ANO3: variants seen among roughly 807,000 people sequenced by gnomAD.
The protein encoded by ANO3 is anoctamin-3.
ANO3 carries 99 observed loss-of-function variants against 144.8 expected under a neutral mutation model. That is an observed-to-expected ratio of 0.68 (90% CI 0.58 to 0.81). The LOEUF is 0.81. ANO3 is among the 30% of genes least tolerant of loss of function. ANO3 has a pLI of 0.00. For synonymous variants in ANO3, 414 were observed against 392.6 expected (o/e 1.05, Z -0.64); for missense variants, 905 against 1,202.2 (o/e 0.75, Z 3.66).
intron 1 of ANO3, among the ~76,000 whole-genome samples, chr11:26,403,292 G>C (rs1322528906): frequency 6.6e-6 from 1 of 151,852 alleles, no homozygotes; most frequent in Non-Finnish European, 1.5e-5. Context: ...AATAATAGCA[G>C]TCATTGCTGA....
At chr11:26,204,090 GT>G (rs961851348) in intron 1 of ANO3, among the ~76,000 whole-genome samples, 1 of 152,022 alleles carries the variant, frequency 6.6e-6, no homozygotes, top group Non-Finnish European at 1.5e-5. Flanking sequence ...TTATGGAATG[GT>G]TTTTTTAGTG....
rs531177217 is a variant in ANO3, at chr11:26,459,420, T to C, written c.314-3610T>C. ...TTAATTAACTATAATCAGATGTTGA[T>C]AAATGATCAGCTTTGAGCTATAATT... On this transcript the variant is annotated intron_variant, in intron 3 of 26. Transcript: ENST00000256737. Among the ~76,000 whole-genome samples, 3 of 152,244 alleles carry C rather than the reference T, an allele frequency of 2.0e-5. No individual in the cohort carries two copies. The South Asian group carries it at 6.2e-4, about 32-fold the overall frequency.
chr11:26,381,099 CT>C (rs59145380), intron 1 of ANO3, among the ~76,000 whole-genome samples: 2,491 of 152,196 alleles, frequency 0.016, 58 homozygotes, highest in African/African-American at 0.057. Flanking sequence ...TAGTTTTTCT[CT>C]AAAGGTAACC....
chr11:26,410,969 G>T (rs1857414559), intron 1 of ANO3, among the ~76,000 whole-genome samples: 1 of 151,960 alleles, frequency 6.6e-6, no homozygotes, highest in Admixed American at 6.6e-5. Flanking sequence ...GGGATTTCCG[G>T]ATCTTCAACA....
At chr11:26,433,966 G>A (rs79275230) in intron 1 of ANO3, among the ~76,000 whole-genome samples, 3,364 of 152,218 alleles carry the variant, frequency 0.022, 59 homozygotes, top group African/African-American at 0.041. Flanking sequence ...GTTTCAGTAG[G>A]AATGCTATCA....
chr11:26,393,228 C>T (rs1856926100), intron 1 of ANO3, among the ~76,000 whole-genome samples: 1 of 152,068 alleles, frequency 6.6e-6, no homozygotes, highest in Non-Finnish European at 1.5e-5. Context: ...GAATCTCTGT[C>T]TGTTACTCCT....
chr11:26,398,108 G>A (rs963209657), intron 1 of ANO3, among the ~76,000 whole-genome samples: 3 of 152,026 alleles, frequency 2.0e-5, no homozygotes, highest in Admixed American at 6.6e-5. Context: ...TATATATTTA[G>A]GAGAAAACAC....
At chr11:26,254,259 A>C (rs1057308481) in intron 1 of ANO3, among the ~76,000 whole-genome samples, 7 of 152,156 alleles carry the variant, frequency 4.6e-5, no homozygotes, top group Non-Finnish European at 1.0e-4. Context: ...TCTTTGGATC[A>C]GAGAGCCTAA....
intron 1 of ANO3, among the ~76,000 whole-genome samples, chr11:26,267,686 T>C (rs1479058190): frequency 6.6e-6 from 1 of 152,196 alleles, no homozygotes; most frequent in Non-Finnish European, 1.5e-5. Flanking sequence ...AAATTCAGCA[T>C]TAGCTAAGTT....
intron 3 of ANO3, among the ~76,000 whole-genome samples, chr11:26,455,982 CCT>C (rs1859141812): frequency 1.5e-4 from 22 of 151,516 alleles, no homozygotes; most frequent in Admixed American, 1.1e-3. Context: ...GAAAGGATTC[CCT>C]ATTTAATAAA....
chr11:26,265,406 T>C (rs1275005493), intron 1 of ANO3, among the ~76,000 whole-genome samples: 1 of 152,214 alleles, frequency 6.6e-6, no homozygotes, highest in African/African-American at 2.4e-5. Flanking sequence ...TTATCAATGC[T>C]TAGCTTTGAT....
intron 1 of ANO3, among the ~76,000 whole-genome samples, chr11:26,195,012 T>C (rs1851556909): frequency 6.6e-6 from 1 of 152,234 alleles, no homozygotes; most frequent in African/African-American, 2.4e-5. Context: ...TCTGATGAAA[T>C]GTCAGACTGC....
At chr11:26,233,992 TGC>T (rs1852460048) in intron 1 of ANO3, among the ~76,000 whole-genome samples, 1 of 132,744 alleles carries the variant, frequency 7.5e-6, no homozygotes, top group African/African-American at 2.5e-5. Context: ...GCCTAATGTA[TGC>T]GGGGGGCTGA....
At chr11:26,372,469 C>T (rs963695241) in intron 1 of ANO3, among the ~76,000 whole-genome samples, 4 of 152,126 alleles carry the variant, frequency 2.6e-5, no homozygotes, top group Admixed American at 6.5e-5. Flanking sequence ...TTAACCTAAA[C>T]GAAGAATTGT....
rs1861607215 is a variant in ANO3 at position 26,510,150 on chromosome 11, AAAAGAGT to A, written c.591+1890_591+1896del. 3.8e-5 allele frequency among the ~76,000 whole-genome samples: 5 copies of A among 131,182 alleles called. 1 individual carries two copies. The highest frequency in any genetic ancestry group is 8.4e-5 in the Admixed American group (1 of 11,932). 86.1% of individuals were successfully genotyped at this position (131,182 alleles called of 152,430 possible). A position where few individuals can be genotyped will look rare whatever the true frequency, so the allele number is the denominator to read the frequency against. On this transcript the variant is annotated intron_variant, in intron 5 of 26. Coordinates refer to ENST00000256737, the MANE Select transcript of ANO3 (RefSeq NM_031418.4). Reference sequence around the variant, plus strand: ...TCCATCTCAAAAAAAAAAAAAAAAAAAAAGAGTAGAAAAGAAAAACTAATCCATTTAT... The same window carrying A: ...TCCATCTCAAAAAAAAAAAAAAAAAAAGAAAAGAAAAACTAATCCATTTAT...
At chr11:26,271,481 T>C (rs1371046397) in intron 1 of ANO3, among the ~76,000 whole-genome samples, 3 of 152,190 alleles carry the variant, frequency 2.0e-5, no homozygotes, top group Non-Finnish European at 4.4e-5. Context: ...AAAGAAAATA[T>C]GATTTTATGA....
intron 1 of ANO3, among the ~76,000 whole-genome samples, chr11:26,405,752 A>G (rs1287149146): frequency 2.0e-5 from 3 of 151,880 alleles, no homozygotes; most frequent in Non-Finnish European, 4.4e-5. Context: ...GTAGTTTTCA[A>G]ATTTAGAGAG....
intron 1 of ANO3, among the ~76,000 whole-genome samples, chr11:26,303,161 C>T (rs1055887381): frequency 4.6e-5 from 7 of 152,170 alleles, no homozygotes; most frequent in African/African-American, 1.4e-4. Context: ...GAAAACAGAA[C>T]CACCATTTGA....
At chr11:26,612,976 AT>A (rs1265671344) in intron 17 of ANO3, among the ~76,000 whole-genome samples, 1 of 152,108 alleles carries the variant, frequency 6.6e-6, no homozygotes, top group Non-Finnish European at 1.5e-5. Context: ...GAAGAGGATC[AT>A]TTTGAGTTGA....
Sources: gnomAD v4.1 joint callset for allele counts (sites outside exome capture counted in the v4.1 genomes callset) on GRCh38, gnomAD v4.1.1 for gene constraint, MANE v1.5 for transcripts, NCBI Gene and HGNC (gene_info 2026-07-23, HGNC 2026-07-21) for gene names.